The following MAP3K15 variants were observed in gnomAD, a reference collection of about 807,000 sequenced individuals.
MAP3K15 encodes the protein mitogen-activated protein kinase kinase kinase 15, also known as MAPK/ERK kinase kinase 15.
MAP3K15 carries 124 observed loss-of-function variants against 99.5 expected under a neutral mutation model. The ratio of observed to expected loss-of-function variants is 1.25; its 90% CI spans 1.08 to 1.45. The LOEUF (loss-of-function observed/expected upper bound fraction) is 1.45. MAP3K15 is among the 40% of genes most tolerant of loss of function. The pLI, the probability that MAP3K15 is intolerant of heterozygous loss-of-function variation, is 0.00. For missense variants in MAP3K15, 1,242 were observed against 1,079.7 expected, an observed-to-expected ratio of 1.15 and a Z score of -2.11; for synonymous variants, 494 against 439.6, an observed-to-expected ratio of 1.12 and a Z score of -1.55.
chrX:19,486,829 T>C (rs932963997), intron 2 of MAP3K15, among the ~76,000 whole-genome samples: 7 of 111,167 alleles, frequency 6.3e-5, no homozygotes, highest in African/African-American at 2.3e-4. Flanking sequence ...AGCTTCAAGT[T>C]TGGGGTGCTG....
intron 26 of MAP3K15, 155 bp from the exon 27 acceptor site, chrX:19,361,748 A>C: frequency 1.3e-5 from 5 of 377,336 alleles, no homozygotes; most frequent in South Asian, 5.5e-5. Context: ...CGTATTACAC[A>C]ATTCATAATT....
At chrX:19,392,765 TAGG>T (rs2069568811) in intron 16 of MAP3K15, among the ~76,000 whole-genome samples, 1 of 111,391 alleles carries the variant, frequency 9.0e-6, no homozygotes, top group African/African-American at 3.3e-5. Flanking sequence ...TACATGAAGT[TAGG>T]AGGAGAGCGA....
At chrX:19,459,828 C>A (rs542284412) in intron 5 of MAP3K15, among the ~76,000 whole-genome samples, 157 bp downstream of exon 5, 2 of 111,973 alleles carry the variant, frequency 1.8e-5, no homozygotes, top group African/African-American at 3.2e-5. Context: ...CCAGCCTGGG[C>A]AACAAGAGCA....
At chrX:19,376,512 C>G (rs776576768) in intron 19 of MAP3K15, among the ~76,000 whole-genome samples, 6 of 110,191 alleles carry the variant, frequency 5.4e-5, no homozygotes, top group Admixed American at 9.7e-5. Flanking sequence ...GTAGCATGAT[C>G]ATAGCTCACT....
chrX:19,476,054 T>A (rs1237196399), intron 3 of MAP3K15, among the ~76,000 whole-genome samples: 1 of 112,284 alleles, frequency 8.9e-6, no homozygotes, highest in Non-Finnish European at 1.9e-5. Flanking sequence ...TATAAATTAA[T>A]TCTTTGCAGC....
intron 1 of MAP3K15, among the ~76,000 whole-genome samples, chrX:19,491,370 C>G (rs2064367481): frequency 9.0e-6 from 1 of 111,158 alleles, no homozygotes; most frequent in Admixed American, 9.6e-5. Context: ...AACAGAGCAC[C>G]CCCAGGAGGG....
chrX:19,395,032 C>T (rs745675303), intron 16 of MAP3K15, 49 bp downstream of exon 16: 10 of 1,173,287 alleles, frequency 8.5e-6, no homozygotes, highest in Admixed American at 2.3e-5. Flanking sequence ...ATGACATCCA[C>T]GTCGTAGTGA....
rs1421896254 is a variant in MAP3K15 at position 19,374,470 on chromosome X, G to C, written c.2773+7C>G. 2.5e-6 allele frequency: 3 copies of C among 1,207,890 alleles called. No homozygotes were observed. The highest frequency in any genetic ancestry group is 2.2e-5 in the Admixed American group (1 of 45,928). On this transcript the variant is annotated splice_region_variant and intron_variant, in intron 20 of 28. Transcript: ENST00000338883. ...GGTGCTGCCCCAGCTGTCCAGGGAGGCCTCACCTGAGGGCTTGAAGGCAAT... is the reference window on the plus strand; with the variant it reads ...GGTGCTGCCCCAGCTGTCCAGGGAGCCCTCACCTGAGGGCTTGAAGGCAAT...
intron 4 of MAP3K15, among the ~76,000 whole-genome samples, chrX:19,461,830 A>C (rs1459507736): frequency 1.8e-5 from 2 of 110,857 alleles, no homozygotes; most frequent in Non-Finnish European, 3.8e-5. Flanking sequence ...GTCTCTACTA[A>C]AAATACAAAA....
intron 18 of MAP3K15, among the ~76,000 whole-genome samples, chrX:19,389,329 C>G (rs1221936747): frequency 9.5e-6 from 1 of 105,290 alleles, no homozygotes; most frequent in Non-Finnish European, 1.9e-5. Context: ...AAAGGCAGGG[C>G]TGACCCTGGC....
intron 2 of MAP3K15, among the ~76,000 whole-genome samples, chrX:19,487,302 A>G (rs1373395995): frequency 9.8e-5 from 11 of 111,731 alleles, no homozygotes; most frequent in African/African-American, 2.0e-4. Context: ...GTATTATTAA[A>G]AATTAAAACA....
At position 19,515,300 on chromosome X, in the gene MAP3K15, G is replaced by T; in HGVS notation, c.-39C>A. Reference sequence around the variant, plus strand: ...CGCCCTTCCCCTGGGCGAGTGGCCAGCGGCTGCGATCCGCTAGGAGGCACA... The same window carrying T: ...CGCCCTTCCCCTGGGCGAGTGGCCATCGGCTGCGATCCGCTAGGAGGCACA... On this transcript the variant is annotated 5_prime_UTR_variant, in exon 1 of 29. The change creates a new upstream start codon in the 5' untranslated region. Transcript: ENST00000338883. The T allele has an allele frequency of 2.4e-6, 2 of 840,211 alleles. No homozygotes were observed. Among genetic ancestry groups the T allele is most frequent in the Non-Finnish European group, 2.9e-6 (2 of 688,107 alleles). The allele number at this position is 840,211 out of a possible 1,213,427, so 69.2% of individuals were successfully genotyped here. A position where few individuals can be genotyped will look rare whatever the true frequency, so the allele number is the denominator to read the frequency against.
At chrX:19,397,023 C>T (rs912845790) in intron 15 of MAP3K15, among the ~76,000 whole-genome samples, 2 of 109,330 alleles carry the variant, frequency 1.8e-5, no homozygotes, top group African/African-American at 6.7e-5. Flanking sequence ...CCTCAGCCTC[C>T]AGAGTAGCTG....
At chrX:19,502,461 CCCTTCT>C (rs1243610021) in intron 1 of MAP3K15, among the ~76,000 whole-genome samples, 1 of 111,244 alleles carries the variant, frequency 9.0e-6, no homozygotes, top group African/African-American at 3.3e-5. Flanking sequence ...CCTCCCCTTC[CCCTTCT>C]GCCATAATTT....
chrX:19,449,170 T>C (rs2064021221), intron 6 of MAP3K15, among the ~76,000 whole-genome samples: 1 of 110,187 alleles, frequency 9.1e-6, no homozygotes, highest in South Asian at 3.9e-4. Flanking sequence ...AATCTTTTTA[T>C]GTAACACTAG....
intron 7 of MAP3K15, among the ~76,000 whole-genome samples, chrX:19,430,231 T>TC (rs1397654907): frequency 8.9e-6 from 1 of 112,146 alleles, no homozygotes; most frequent in Non-Finnish European, 1.9e-5. Flanking sequence ...AACCTAAGCC[T>TC]CTAGAGGCTT....
chrX:19,404,603 C>A (rs1376638709), intron 13 of MAP3K15, among the ~76,000 whole-genome samples: 1 of 111,980 alleles, frequency 8.9e-6, no homozygotes, highest in African/African-American at 3.2e-5. Flanking sequence ...TTACAACTTA[C>A]TACAAAGCTA....
intron 3 of MAP3K15, among the ~76,000 whole-genome samples, chrX:19,477,584 C>T (rs1438883617): frequency 2.9e-5 from 3 of 101,717 alleles, no homozygotes; most frequent in Non-Finnish European, 6.0e-5. Context: ...GTGGTGGGCA[C>T]CTATAATCCC....
intron 25 of MAP3K15, among the ~76,000 whole-genome samples, chrX:19,367,302 C>T (rs996116833): frequency 4.5e-5 from 5 of 110,618 alleles, no homozygotes; most frequent in Non-Finnish European, 7.6e-5. Flanking sequence ...TAGAGGGGAA[C>T]AACACACACT....
Sources: gnomAD v4.1 joint callset for allele counts (sites outside exome capture counted in the v4.1 genomes callset) on GRCh38, gnomAD v4.1.1 for gene constraint, MANE v1.5 for transcripts, NCBI Gene and HGNC (gene_info 2026-07-23, HGNC 2026-07-21) for gene names.